Variants in GPC6 observed in about 807,000 individuals in gnomAD.
GPC6 encodes the protein glypican 6, also known as glypican-6.
In GPC6, 14 loss-of-function variants were observed where a neutral mutation model predicts 55.2. The observed-to-expected ratio is 0.25, with a 90% confidence interval of 0.17 to 0.40. GPC6 has a LOEUF of 0.40. Among genes scored for constraint, GPC6 ranks in the 10% least tolerant of loss-of-function variants. The pLI, the probability that GPC6 is intolerant of heterozygous loss-of-function variation, is 1.00. For synonymous variants in GPC6, 278 were observed against 259.6 expected, an observed-to-expected ratio of 1.07 and a Z score of -0.68; for missense variants, 641 against 708.5, an observed-to-expected ratio of 0.90 and a Z score of 1.08.
chr13:93,429,712 G>A (rs5005454), intron 1 of GPC6, among the ~76,000 whole-genome samples: 37,109 of 152,052 alleles, frequency 0.24, 4,513 homozygotes, highest in Middle Eastern at 0.29. Flanking sequence ...TGAATTCGCA[G>A]TATTATTTTT....
chr13:93,232,098 A>G (rs961577992), intron 1 of GPC6, among the ~76,000 whole-genome samples: 3 of 113,404 alleles, frequency 2.6e-5, no homozygotes, highest in Non-Finnish European at 5.4e-5. Flanking sequence ...AATTTACACA[A>G]CTTTTTTTTT....
intron 3 of GPC6, among the ~76,000 whole-genome samples, chr13:94,026,221 G>A (rs1296538401): frequency 6.6e-6 from 1 of 152,070 alleles, no homozygotes; most frequent in Non-Finnish European, 1.5e-5. Context: ...TCAACATACT[G>A]GGTAAAATTA....
At chr13:94,344,034 C>T (rs958707343) in intron 6 of GPC6, among the ~76,000 whole-genome samples, 3 of 152,108 alleles carry the variant, frequency 2.0e-5, no homozygotes, top group East Asian at 1.9e-4. Context: ...CCTGGCCCAT[C>T]ATTATTATTT....
At chr13:94,157,802 C>A (rs1217459242) in intron 4 of GPC6, among the ~76,000 whole-genome samples, 2 of 152,108 alleles carry the variant, frequency 1.3e-5, no homozygotes, top group Non-Finnish European at 2.9e-5. Flanking sequence ...GGTATCACGT[C>A]AGCCATGTGA....
At chr13:94,261,630 A>T (rs1891660947) in intron 4 of GPC6, among the ~76,000 whole-genome samples, 1 of 152,248 alleles carries the variant, frequency 6.6e-6, no homozygotes, top group Admixed American at 6.5e-5. Flanking sequence ...TGCTTAAGAA[A>T]TGAGCACACT....
At chr13:94,259,174 C>A (rs974905656) in intron 4 of GPC6, among the ~76,000 whole-genome samples, 6 of 152,138 alleles carry the variant, frequency 3.9e-5, no homozygotes, top group Non-Finnish European at 8.8e-5. Flanking sequence ...CCCAAAGCCC[C>A]TGCCACACTG....
At chr13:93,797,400 G>A (rs1417942418) in intron 2 of GPC6, among the ~76,000 whole-genome samples, 3 of 152,056 alleles carry the variant, frequency 2.0e-5, no homozygotes, top group South Asian at 2.1e-4. Context: ...TTTCATATAC[G>A]CACAACGTTC....
chr13:93,833,061 A>AGATGGATG (rs370453050), intron 3 of GPC6, among the ~76,000 whole-genome samples: 31 of 146,296 alleles, frequency 2.1e-4, no homozygotes, highest in African/African-American at 6.9e-4. Flanking sequence ...GTAGAGAGAT[A>AGATGGATG]GATGGATGGA....
At chr13:93,219,120 G>A in the GPC6 span, among the ~76,000 whole-genome samples, 1 of 146,898 alleles carries the variant, frequency 6.8e-6, no homozygotes, top group Admixed American at 6.9e-5. Flanking sequence ...TTTAGACAGA[G>A]TCTCACTCTG....
chr13:94,095,458 C>T (rs918075210), intron 4 of GPC6, among the ~76,000 whole-genome samples: 4 of 152,134 alleles, frequency 2.6e-5, no homozygotes, highest in African/African-American at 9.7e-5. Context: ...TTCAACTCAA[C>T]GTATCCAAAA....
intron 4 of GPC6, among the ~76,000 whole-genome samples, chr13:94,243,404 A>C (rs1021776172): frequency 7.2e-5 from 11 of 152,076 alleles, no homozygotes; most frequent in Non-Finnish European, 1.6e-4. Flanking sequence ...CTTCCAGAAA[A>C]AAAATCACAG....
At chr13:93,460,034 C>T (rs985650213) in intron 1 of GPC6, among the ~76,000 whole-genome samples, 10 of 152,182 alleles carry the variant, frequency 6.6e-5, no homozygotes, top group African/African-American at 1.9e-4. Flanking sequence ...CCATTATCTA[C>T]CTTATGGTTG....
intron 1 of GPC6, among the ~76,000 whole-genome samples, chr13:93,418,541 C>T (rs1022083731): frequency 2.6e-5 from 4 of 151,216 alleles, no homozygotes; most frequent in Admixed American, 6.6e-5. Flanking sequence ...ATTAATAGCA[C>T]TGTACTGTAG....
At chr13:93,288,034 T>G (rs558974036) in intron 1 of GPC6, among the ~76,000 whole-genome samples, 1 of 152,296 alleles carries the variant, frequency 6.6e-6, no homozygotes, top group African/African-American at 2.4e-5. Context: ...TAAGTAAAAT[T>G]TACTAATGTC....
At chr13:93,750,196 GC>G (rs1271399151) in intron 2 of GPC6, among the ~76,000 whole-genome samples, 1 of 152,210 alleles carries the variant, frequency 6.6e-6, no homozygotes, top group African/African-American at 2.4e-5. Context: ...AAAGGAATAA[GC>G]GATCAGGGAG....
At chr13:94,005,132 G>A (rs1327707546) in intron 3 of GPC6, among the ~76,000 whole-genome samples, 1 of 152,084 alleles carries the variant, frequency 6.6e-6, no homozygotes, top group East Asian at 1.9e-4. Flanking sequence ...AGCCTAATTA[G>A]AAAGAAAGAA....
intron 2 of GPC6, among the ~76,000 whole-genome samples, chr13:93,826,957 G>T (rs148143516): frequency 1.0e-3 from 154 of 152,224 alleles, no homozygotes; most frequent in African/African-American, 3.6e-3. Context: ...TTTGCATTGA[G>T]ATCTCCCCTC....
In GPC6 at chr13:94,198,859, A is replaced by C. The variant is rs75879125; in HGVS notation, c.878-87490A>C. On this transcript the variant is annotated intron_variant, in intron 4 of 8. Transcript: ENST00000377047. ...TGCCGGAGCTGGGATTCACACCCTGAAGCTGTATTTCATGAGTGAATTCAG... is the reference window on the plus strand; with the variant it reads ...TGCCGGAGCTGGGATTCACACCCTGCAGCTGTATTTCATGAGTGAATTCAG... 8.7e-3 allele frequency among the ~76,000 whole-genome samples: 1,318 copies of C among 152,310 alleles called. 14 individuals are homozygous for C. Among genetic ancestry groups the C allele is most frequent in the African/African-American group, 0.03 (1,258 of 41,566 alleles).
At chr13:93,445,209 T>C (rs949554945) in intron 1 of GPC6, among the ~76,000 whole-genome samples, 5 of 152,196 alleles carry the variant, frequency 3.3e-5, no homozygotes, top group African/African-American at 1.2e-4. Flanking sequence ...TTTTTATGTT[T>C]CCTTTCTTTC....
Sources: gnomAD v4.1 joint callset for allele counts (sites outside exome capture counted in the v4.1 genomes callset) on GRCh38, gnomAD v4.1.1 for gene constraint, MANE v1.5 for transcripts, NCBI Gene and HGNC (gene_info 2026-07-23, HGNC 2026-07-21) for gene names.